PATL1: variants seen among roughly 807,000 people sequenced by gnomAD.
PATL1 encodes the protein PAT1 homolog 1, processing body mRNA decay factor.
PATL1 carries 32 observed loss-of-function variants against 100.6 expected under a neutral mutation model. The ratio of observed to expected loss-of-function variants is 0.32; its 90% CI spans 0.24 to 0.43. The LOEUF (loss-of-function observed/expected upper bound fraction) is 0.43. PATL1 is among the 20% of genes least tolerant of loss of function. The pLI, the probability that PATL1 is intolerant of heterozygous loss-of-function variation, is 1.00. For missense variants in PATL1, 747 were observed against 949.9 expected, an observed-to-expected ratio of 0.79 and a Z score of 2.81; for synonymous variants, 332 against 330.0, an observed-to-expected ratio of 1.01 and a Z score of -0.07.
rs1554983881 is a variant in PATL1 at position 59,644,909 on chromosome 11, T to TTA, written c.1894-1875_1894-1874insTA. ...CGTTTCCTTTTTTTTTTTTTTTTTT[T>TTA]AAAAAAAAAAAAAAAGCACAGTGCT... On this transcript the variant is annotated intron_variant, in intron 15 of 18. Coordinates refer to ENST00000300146, the MANE Select transcript of PATL1 (RefSeq NM_152716.3). Among the ~76,000 whole-genome samples, 961 of 111,378 alleles carry TTA rather than the reference T, an allele frequency of 8.6e-3. 21 individuals are homozygous for TTA. The highest frequency in any genetic ancestry group is 0.029 in the African/African-American group (730 of 25,038). The allele number at this position is 111,378 out of a possible 152,430, so 73.1% of individuals were successfully genotyped here. A position where few individuals can be genotyped will look rare whatever the true frequency, so the allele number is the denominator to read the frequency against.
chr11:59,648,742 T>A (rs756886689), intron 14 of PATL1, among the ~76,000 whole-genome samples: 1 of 152,182 alleles, frequency 6.6e-6, no homozygotes, highest in Non-Finnish European at 1.5e-5. Context: ...CTGCATAACA[T>A]CCAATCTATG....
rs1264734889 is a variant in PATL1, at chr11:59,647,790, G to A, written c.1857C>T (p.Asn619=). 1.9e-6 allele frequency: 3 copies of A among 1,613,942 alleles called. No individual in the cohort carries two copies. Among genetic ancestry groups the A allele is most frequent in the Non-Finnish European group, 2.5e-6 (3 of 1,179,874 alleles). ...CATCCTTCTTGATAAGGAAAGGGAG[G>A]TTCCTGGCTGTTGTCATGAGAATGT... ...AADILMTTAR[N]LPFLIKKDAQ... is the part of the protein sequence containing the mutation. Residue 619 remains asparagine (N), a synonymous_variant, in exon 15 of 19, where the codon AAC becomes AAT. Coordinates refer to ENST00000300146, the MANE Select transcript of PATL1 (RefSeq NM_152716.3).
intron 1 of PATL1, 101 bp downstream of exon 1, chr11:59,668,779 CG>C: frequency 1.6e-6 from 1 of 623,374 alleles, no homozygotes; most frequent in Admixed American, 2.7e-5. Flanking sequence ...TCCCCCAGCC[CG>C]CCCCCTGCCC....
Position 59,647,172 on chromosome 11 carries a change from G to A in PATL1, c.1893+582C>T, listed in dbSNP as rs150500394. 9.7e-3 allele frequency among the ~76,000 whole-genome samples: 1,312 copies of A among 135,360 alleles called. 19 individuals carry two copies. Among genetic ancestry groups the A allele is most frequent in the African/African-American group, 0.034 (1,208 of 35,030 alleles). 88.8% of individuals were successfully genotyped at this position (135,360 alleles called of 152,430 possible). A position where few individuals can be genotyped will look rare whatever the true frequency, so the allele number is the denominator to read the frequency against. On this transcript the variant is annotated intron_variant, in intron 15 of 18. Coordinates refer to ENST00000300146, the MANE Select transcript of PATL1 (RefSeq NM_152716.3). ...TGGGATGTGGAGGCTGCAGTGAGCC[G>A]AGATCACACCATTGCCCTACTGCCT...
At chr11:59,665,872 T>C (rs1421704331) in intron 2 of PATL1, among the ~76,000 whole-genome samples, 3 of 152,224 alleles carry the variant, frequency 2.0e-5, no homozygotes, top group Non-Finnish European at 4.4e-5. Context: ...CTAAGTAACA[T>C]GTGTTCTCAA....
chr11:59,643,127 T>C, intron 15 of PATL1, 92 bp from the exon 16 acceptor site: 1 of 1,346,820 alleles, frequency 7.4e-7, no homozygotes, highest in Non-Finnish European at 1.0e-6. Context: ...TTCATTTGTA[T>C]ATTCAACCAC....
At chr11:59,642,067 C>A (rs560516361) in intron 16 of PATL1, among the ~76,000 whole-genome samples, 1 of 152,276 alleles carries the variant, frequency 6.6e-6, no homozygotes, top group South Asian at 2.1e-4. Flanking sequence ...ATTTAAGTAC[C>A]AGGACAACTC....
chr11:59,640,709 G>C (rs1347798340), intron 16 of PATL1, among the ~76,000 whole-genome samples: 1 of 148,286 alleles, frequency 6.7e-6, no homozygotes, highest in Non-Finnish European at 1.5e-5. Flanking sequence ...GACAGAGCAA[G>C]ACTCTATCTC....
chr11:59,666,011 G>T (rs577913865), intron 2 of PATL1, among the ~76,000 whole-genome samples: 21 of 152,102 alleles, frequency 1.4e-4, no homozygotes, highest in Middle Eastern at 3.4e-3. Context: ...CTATAGGCTG[G>T]GCGCGGTGGC....
intron 13 of PATL1, 117 bp from the exon 14 acceptor site, chr11:59,649,727 G>T (rs1330487714): frequency 1.9e-6 from 2 of 1,078,740 alleles, no homozygotes; most frequent in East Asian, 2.9e-5. Context: ...GAAAGACTGA[G>T]ATTTTTTTTT....
At chr11:59,668,852 A>AG in intron 1 of PATL1, 29 bp downstream of exon 1, 1 of 929,028 alleles carries the variant, frequency 1.1e-6, no homozygotes, top group African/African-American at 1.8e-5. Flanking sequence ...GGAGGGAGGG[A>AG]GGGGTCACTT....
chr11:59,654,507 AAG>A (rs1861496429), intron 8 of PATL1, among the ~76,000 whole-genome samples: 1 of 151,550 alleles, frequency 6.6e-6, no homozygotes. Context: ...AAAAAAAAAA[AAG>A]AGTCTATTCT....
chr11:59,668,923 A>G lies in PATL1; in HGVS notation c.-28T>C. 2 of 266,004 alleles carry G rather than the reference A, an allele frequency of 7.5e-6. No homozygotes were observed. The highest frequency in any genetic ancestry group is 7.5e-6 in the Non-Finnish European group (1 of 133,134). 16.5% of individuals were successfully genotyped at this position (266,004 alleles called of 1,614,324 possible). A position where few individuals can be genotyped will look rare whatever the true frequency, so the allele number is the denominator to read the frequency against. On this transcript the variant is annotated 5_prime_UTR_variant, in exon 1 of 19. Coordinates refer to ENST00000300146, the MANE Select transcript of PATL1 (RefSeq NM_152716.3). Reference sequence around the variant, plus strand: ...TTGGGGAGGGGGGCAGGGAGCGGGGAGGGGAGAGGGGGAGGGAGGGAAGAA... The same window carrying G: ...TTGGGGAGGGGGGCAGGGAGCGGGGGGGGGAGAGGGGGAGGGAGGGAAGAA...
chr11:59,640,613 G>A (rs558050738), intron 16 of PATL1, among the ~76,000 whole-genome samples: 7 of 152,164 alleles, frequency 4.6e-5, no homozygotes, highest in South Asian at 2.1e-4. Flanking sequence ...CCAGCTACTC[G>A]GGAGGCTGAG....
At chr11:59,655,919 G>T in intron 7 of PATL1, 37 bp downstream of exon 7, 1 of 1,481,826 alleles carries the variant, frequency 6.7e-7, no homozygotes, top group East Asian at 2.4e-5. Context: ...AGGAAAGTAG[G>T]AGAGTTCTTT....
At chr11:59,656,108 G>A in intron 6 of PATL1, 63 bp from the exon 7 acceptor site, 2 of 962,402 alleles carry the variant, frequency 2.1e-6, no homozygotes, top group East Asian at 2.9e-5. Flanking sequence ...ATCATAATAA[G>A]GAAACTCAGC....
chr11:59,668,941 G>C lies in PATL1; in HGVS notation c.-46C>G. 1 of 399,108 alleles carries C rather than the reference G, an allele frequency of 2.5e-6. No individual in the cohort carries two copies. Among genetic ancestry groups the C allele is most frequent in the Non-Finnish European group, 4.6e-6 (1 of 216,318 alleles). The allele number at this position is 399,108 out of a possible 1,614,324, so 24.7% of individuals were successfully genotyped here. A position where few individuals can be genotyped will look rare whatever the true frequency, so the allele number is the denominator to read the frequency against. On this transcript the variant is annotated 5_prime_UTR_variant, in exon 1 of 19. Coordinates refer to ENST00000300146, the MANE Select transcript of PATL1 (RefSeq NM_152716.3). ...AGCGGGGAGGGGAGAGGGGGAGGGA[G>C]GGAAGAAGCGCTGACTCCCCGGCTC...
chr11:59,652,544 A>G lies in PATL1; in HGVS notation c.1346T>C (p.Ile449Thr). Residue 449 changes from isoleucine to threonine, a missense_variant, in exon 11 of 19, where the codon ATA becomes ACA. By Grantham distance (89) the Ile-to-Thr change is moderately conservative. Around this residue, in one of 4 missense-constraint regions of PATL1, gnomAD observed 434 missense variants for 596.1 expected, o/e 0.73. Coordinates refer to ENST00000300146, the MANE Select transcript of PATL1 (RefSeq NM_152716.3). ...KLEKLSAAEE[I>T]QGDGPKKERT... is the part of the protein sequence containing the mutation. ...CTCCTTCTTAGGGCCATCACCTTGT[A>G]TTTCTTCAGCAGCTGACAGTTTCTC... 6.2e-7 allele frequency: 1 copy of G among 1,613,846 alleles called. No individual in the cohort carries two copies. The highest frequency in any genetic ancestry group is 1.1e-5 in the South Asian group (1 of 91,068).
Position 59,649,606 on chromosome 11 carries a change from T to C in PATL1, c.1589A>G (p.Tyr530Cys), listed in dbSNP as rs1861412545. 2 of 1,612,020 alleles carry C rather than the reference T, an allele frequency of 1.2e-6. No individual in the cohort carries two copies. Among genetic ancestry groups the C allele is most frequent in the African/African-American group, 1.3e-5 (1 of 74,880 alleles). The change falls in exon 14 of 19, where the codon TAC (tyrosine) becomes TGC (cysteine). Residue 530 changes from tyrosine to cysteine, a missense_variant. This residue lies in a region of PATL1 where 434 missense variants were observed against 596.1 expected (regional missense o/e 0.73). Coordinates refer to ENST00000300146, the MANE Select transcript of PATL1 (RefSeq NM_152716.3). ...RKTLVIIEKT[Y>C]SLLLDVEDYE... The stretch of plus-strand genomic sequence containing the variant: ...GTCCTCCACATCAAGGAGTAAGCTG[T>C]AGGTCTAAGAAGGGAGACAAAAGCA...
Sources: gnomAD v4.1 joint callset for allele counts (sites outside exome capture counted in the v4.1 genomes callset) on GRCh38, gnomAD v4.1.1 for gene constraint, gnomAD v4.1.1 regional missense constraint, MANE v1.5 for transcripts, NCBI Gene and HGNC (gene_info 2026-07-23, HGNC 2026-07-21) for gene names.